ADRA1B: variants seen among roughly 807,000 people sequenced by gnomAD.
ADRA1B encodes adrenoceptor alpha 1B.
Under a neutral mutation model 17.9 loss-of-function variants are expected in ADRA1B, and 17 were observed. The observed-to-expected ratio is 0.95, with a 90% CI of 0.65 to 1.42. ADRA1B has a LOEUF of 1.42. Among genes scored for constraint, ADRA1B ranks in the 40% most tolerant of loss-of-function variants. ADRA1B has a pLI of 0.00. For synonymous variants in ADRA1B, 366 were observed against 327.6 expected, an observed-to-expected ratio of 1.12 and a Z score of -1.27; for missense variants, 681 against 722.1, an observed-to-expected ratio of 0.94 and a Z score of 0.65.
chr5:159,939,149 A>C (rs546177066), intron 1 of ADRA1B, among the ~76,000 whole-genome samples: 1 of 152,048 alleles, frequency 6.6e-6, no homozygotes, highest in South Asian at 2.1e-4. Flanking sequence ...GTCTTCTTCC[A>C]CTGTGATCTG....
intron 1 of ADRA1B, among the ~76,000 whole-genome samples, chr5:159,948,976 A>T (rs943171996): frequency 6.6e-6 from 1 of 152,214 alleles, no homozygotes; most frequent in African/African-American, 2.4e-5. Context: ...AGTCCTAGAG[A>T]GAGGTTAAGT....
Position 159,950,735 on chromosome 5 carries a change from C to A in ADRA1B, c.950-21144C>A, listed in dbSNP as rs532632151. 17 of 655,514 alleles carry A rather than the reference C, an allele frequency of 2.6e-5. No individual in the cohort carries two copies. The African/African-American group carries it at 2.9e-4, about 11-fold the overall frequency. 40.6% of individuals were successfully genotyped at this position (655,514 alleles called of 1,614,324 possible). ...CACTTCACCACCTTCTTAATGTCAT[C>A]ATATTTGGCAGGTTTTTCGAGACGG... On this transcript the variant is annotated intron_variant, in intron 1 of 1. Coordinates refer to ENST00000306675, the MANE Select transcript of ADRA1B (RefSeq NM_000679.4).
intron 1 of ADRA1B, among the ~76,000 whole-genome samples, chr5:159,879,100 G>C (rs1245024505): frequency 1.3e-5 from 2 of 152,168 alleles, no homozygotes; most frequent in Non-Finnish European, 2.9e-5. Flanking sequence ...GACAGAGGCA[G>C]AGCTGTGGGA....
upstream of ADRA1B, among the ~76,000 whole-genome samples, chr5:159,912,765 T>A (rs565922871): frequency 6.6e-6 from 1 of 152,360 alleles, no homozygotes; most frequent in South Asian, 2.1e-4. Flanking sequence ...ATTCCTCCGT[T>A]GCATTGTTGT....
chr5:159,957,703 G>C (rs1435212994), intron 1 of ADRA1B, among the ~76,000 whole-genome samples: 3 of 151,612 alleles, frequency 2.0e-5, no homozygotes, highest in Non-Finnish European at 4.4e-5. Context: ...TGGGAGGCCA[G>C]TGCAGGTGGA....
chr5:159,935,022 TTAA>T (rs1754917267), intron 1 of ADRA1B, among the ~76,000 whole-genome samples: 1 of 152,188 alleles, frequency 6.6e-6, no homozygotes. Flanking sequence ...ACGTCAGCTA[TTAA>T]TATACACGAA....
intron 1 of ADRA1B, among the ~76,000 whole-genome samples, chr5:159,955,659 G>C (rs78451437): frequency 0.027 from 4,167 of 152,252 alleles, 190 homozygotes; most frequent in African/African-American, 0.095. Context: ...GTTTGTCCTA[G>C]GCTCAAAGAA....
chr5:159,926,213 A>G (rs1293125667), intron 1 of ADRA1B, among the ~76,000 whole-genome samples: 1 of 152,088 alleles, frequency 6.6e-6, no homozygotes, highest in Non-Finnish European at 1.5e-5. Context: ...TGTGTTTCTC[A>G]TACCCTCTGA....
intron 1 of ADRA1B, among the ~76,000 whole-genome samples, chr5:159,907,403 AAC>A (rs1754173551): frequency 6.6e-6 from 1 of 152,220 alleles, no homozygotes; most frequent in Admixed American, 6.5e-5. Flanking sequence ...TAAAGTATAT[AAC>A]AGATGCCTAG....
At chr5:159,968,992 T>G (rs1404567226) in intron 1 of ADRA1B, among the ~76,000 whole-genome samples, 1 of 152,268 alleles carries the variant, frequency 6.6e-6, no homozygotes, top group Non-Finnish European at 1.5e-5. Context: ...ACTCCCCACA[T>G]CAGGGAATAC....
intron 1 of ADRA1B, among the ~76,000 whole-genome samples, chr5:159,957,293 C>T (rs1313923667): frequency 1.3e-5 from 2 of 151,860 alleles, no homozygotes; most frequent in African/African-American, 4.8e-5. Context: ...CACTTGAGCC[C>T]AGGAGTTTGA....
At chr5:159,911,301 G>A (rs1754225119) in intron 1 of ADRA1B, among the ~76,000 whole-genome samples, 1 of 152,180 alleles carries the variant, frequency 6.6e-6, no homozygotes, top group Admixed American at 6.5e-5. Context: ...GGTTTTGGCA[G>A]CCTGTTTACA....
intron 1 of ADRA1B, among the ~76,000 whole-genome samples, chr5:159,879,997 A>G (rs1329715216): frequency 2.0e-5 from 3 of 152,218 alleles, no homozygotes; most frequent in Non-Finnish European, 4.4e-5. Context: ...CCCTGTCTCA[A>G]AAATAAATAA....
chr5:159,984,045 T>C, the ADRA1B span, among the ~76,000 whole-genome samples: 1 of 152,024 alleles, frequency 6.6e-6, no homozygotes, highest in African/African-American at 2.4e-5. Context: ...GTGTGACTGA[T>C]ACACTGCTTT....
chr5:159,879,559 T>C (rs1436864148), intron 1 of ADRA1B, among the ~76,000 whole-genome samples: 2 of 152,188 alleles, frequency 1.3e-5, no homozygotes, highest in African/African-American at 4.8e-5. Flanking sequence ...TTCTATCTTC[T>C]TAATTATGGG....
At chr5:159,876,240 A>T (rs1273417038) in intron 1 of ADRA1B, among the ~76,000 whole-genome samples, 2 of 152,222 alleles carry the variant, frequency 1.3e-5, no homozygotes, top group Non-Finnish European at 1.5e-5. Context: ...ATTTTAAAAA[A>T]GTCTACAAGT....
intron 1 of ADRA1B, among the ~76,000 whole-genome samples, chr5:159,938,640 G>A (rs986307858): frequency 1.3e-5 from 2 of 152,204 alleles, no homozygotes; most frequent in Non-Finnish European, 2.9e-5. Flanking sequence ...AAAGACTAAT[G>A]GGTCATTTGC....
chr5:159,958,049 G>A (rs1392960195), intron 1 of ADRA1B, among the ~76,000 whole-genome samples: 2 of 151,252 alleles, frequency 1.3e-5, no homozygotes, highest in South Asian at 2.1e-4. Flanking sequence ...GAAATTTGCA[G>A]CCTTATAAAA....
At chr5:159,943,143 C>T (rs1438495109) in intron 1 of ADRA1B, among the ~76,000 whole-genome samples, 2 of 150,912 alleles carry the variant, frequency 1.3e-5, no homozygotes, top group Non-Finnish European at 2.9e-5. Flanking sequence ...ACTCAAGAGG[C>T]GGAGGTTGCA....
Sources: allele counts gnomAD v4.1 joint callset (sites outside exome capture counted in the v4.1 genomes callset), GRCh38; gene constraint gnomAD v4.1.1; transcripts MANE v1.5; gene names NCBI Gene and HGNC (gene_info 2026-07-23, HGNC 2026-07-21).